The following INVS variants were observed in gnomAD, a reference collection of about 807,000 sequenced individuals.
INVS encodes inversion of embryo turning homolog.
In INVS, 86 loss-of-function variants were observed where a neutral mutation model predicts 108.8. The observed-to-expected ratio is 0.79, with a 90% CI of 0.66 to 0.95. The LOEUF (loss-of-function observed/expected upper bound fraction) is 0.95. INVS is among the 40% of genes least tolerant of loss of function. The probability of loss-of-function intolerance (pLI) is 0.00; values close to 1 mark genes in which losing one functional copy is unlikely to be tolerated. For missense variants in INVS, 1,169 were observed against 1,297.4 expected (o/e 0.90, Z 1.52); for synonymous variants, 455 against 473.5 (o/e 0.96, Z 0.51).
intron 1 of INVS, chr9:100,101,440 T>C (rs746645105): frequency 6.6e-6 from 1 of 152,050 alleles, no homozygotes; most frequent in Non-Finnish European, 1.5e-5. Flanking sequence ...AACCTTAATA[T>C]AATCCTGGAT....
chr9:100,181,565 G>A (rs1829888659), intron 3 of INVS, among the ~76,000 whole-genome samples: 1 of 152,126 alleles, frequency 6.6e-6, no homozygotes, highest in African/African-American at 2.4e-5. Flanking sequence ...CAAGTGATGT[G>A]AAAGACCTCT....
intron 3 of INVS, among the ~76,000 whole-genome samples, chr9:100,219,081 G>C (rs1315565500): frequency 6.6e-6 from 1 of 152,054 alleles, no homozygotes; most frequent in Non-Finnish European, 1.5e-5. Context: ...TTCATTCCTA[G>C]TGGGAGAGCA....
rs745573372 is a variant in INVS, at chr9:100,293,017, A to G, written c.2760A>G (p.Ala920=). The G allele has an allele frequency of 1.4e-5, 22 of 1,613,988 alleles. No homozygotes were observed. Among genetic ancestry groups the G allele is most frequent in the African/African-American group, 2.7e-5 (2 of 74,948 alleles). ...KELFRKKNKA[A]AVIQRAWRSY... Reference sequence around the variant, plus strand: ...TGTTTCGCAAAAAGAACAAGGCAGCAGCAGTCATCCAGCGCGCCTGGCGAA... The same window carrying G: ...TGTTTCGCAAAAAGAACAAGGCAGCGGCAGTCATCCAGCGCGCCTGGCGAA... The change falls in exon 14 of 17, where the codon GCA becomes GCG. Residue 920 remains alanine (A), a synonymous_variant. Transcript: ENST00000262457.
Position 100,292,738 on chromosome 9 carries a change from C to G in INVS, c.2481C>G (p.His827Gln), listed in dbSNP as rs1255227194. 6.2e-7 allele frequency: 1 copy of G among 1,614,150 alleles called. No homozygotes were observed. The highest frequency in any genetic ancestry group is 8.5e-7 in the Non-Finnish European group (1 of 1,180,024). ...EAVHAGQNPP[H>Q]HRTPRNKVTQ... ...TCCATGCTGGGCAGAATCCTCCCCA[C>G]CATCGTACACCAAGAAACAAAGTGA... The change falls in exon 14 of 17, where the codon CAC becomes CAG. Residue 827 changes from histidine (H) to glutamine (Q), a missense_variant. His to Gln is a conservative substitution (Grantham distance 24). Transcript: ENST00000262457.
Position 100,296,933 on chromosome 9 carries a change from C to T in INVS, c.2803C>T (p.His935Tyr), listed in dbSNP as rs139768159. 4,522 of 1,614,000 alleles carry T rather than the reference C, an allele frequency of 2.8e-3. 14 individuals carry two copies. Among genetic ancestry groups the T allele is most frequent in the South Asian group, 3.3e-3 (305 of 91,052 alleles). ...RAWRSYQLRK[H>Y]LSHLRHMKQL... is the part of the protein sequence containing the mutation. Reference sequence around the variant, plus strand: ...CCCAACCAGCTACCAGCTCAGGAAGCACCTGTCCCACCTTCGGCATATGAA... The same window carrying T: ...CCCAACCAGCTACCAGCTCAGGAAGTACCTGTCCCACCTTCGGCATATGAA... The change falls in exon 15 of 17, where the codon CAC (histidine) becomes TAC (tyrosine). Residue 935 changes from histidine (H) to tyrosine (Y), a missense_variant. By Grantham distance (83) the His-to-Tyr change is moderately conservative. Transcript: ENST00000262457.
chr9:100,268,952 A>C (rs969707378), intron 11 of INVS, among the ~76,000 whole-genome samples: 60 of 152,170 alleles, frequency 3.9e-4, no homozygotes, highest in Non-Finnish European at 8.8e-5. Flanking sequence ...CCTATATTTT[A>C]TAAACTAAAT....
intron 3 of INVS, chr9:100,175,907 A>T (rs1829698060): frequency 5.1e-6 from 3 of 590,078 alleles, no homozygotes; most frequent in Non-Finnish European, 9.8e-6. Context: ...GGTTCCAGCA[A>T]ATTCTTCTCT....
chr9:100,249,650 A>G (rs1000922745), intron 8 of INVS, among the ~76,000 whole-genome samples: 1 of 151,792 alleles, frequency 6.6e-6, no homozygotes, highest in South Asian at 2.1e-4. Context: ...GCCCACCACT[A>G]TGCTGGCTAA....
intron 9 of INVS, 65 bp from the exon 10 acceptor site, chr9:100,252,842 A>G: frequency 1.8e-6 from 2 of 1,093,740 alleles, no homozygotes; most frequent in Non-Finnish European, 2.8e-6. Flanking sequence ...TGTTTTTTCT[A>G]CTCCTACTCA....
intron 3 of INVS, among the ~76,000 whole-genome samples, chr9:100,146,715 T>C (rs1828629695): frequency 1.3e-5 from 2 of 152,200 alleles, no homozygotes; most frequent in Admixed American, 1.3e-4. Context: ...TGAAATTAAG[T>C]GATTTAGAAA....
intron 3 of INVS, among the ~76,000 whole-genome samples, chr9:100,219,433 C>T (rs946932526): frequency 6.6e-6 from 1 of 152,086 alleles, no homozygotes; most frequent in African/African-American, 2.4e-5. Flanking sequence ...TATAGCAAGA[C>T]CCCTTCTATT....
chr9:100,296,694 T>C (rs1217053503), intron 14 of INVS, among the ~76,000 whole-genome samples: 1 of 152,194 alleles, frequency 6.6e-6, no homozygotes, highest in Non-Finnish European at 1.5e-5. Flanking sequence ...TGTGAGCTCC[T>C]TGAAGGCAAG....
chr9:100,175,837 T>C, intron 3 of INVS: 3 of 665,536 alleles, frequency 4.5e-6, no homozygotes, highest in South Asian at 4.1e-5. Context: ...CCTGGAACAA[T>C]CAGGCCTGGA....
intron 3 of INVS, among the ~76,000 whole-genome samples, chr9:100,225,666 A>G (rs975046722): frequency 2.0e-5 from 3 of 152,238 alleles, no homozygotes; most frequent in African/African-American, 7.2e-5. Context: ...TCTTTGACCC[A>G]ACAATTTGGT....
At chr9:100,099,641 C>G (rs1379943459) in intron 1 of INVS, among the ~76,000 whole-genome samples, 1 of 152,208 alleles carries the variant, frequency 6.6e-6, no homozygotes, top group Non-Finnish European at 1.5e-5. Context: ...CCCTGATTGT[C>G]TCTGAGGGCT....
chr9:100,250,351 T>C (rs983381456), intron 8 of INVS, among the ~76,000 whole-genome samples: 8 of 152,134 alleles, frequency 5.3e-5, no homozygotes, highest in African/African-American at 1.9e-4. Context: ...CTTCTGATTG[T>C]TTTGAAAAAA....
chr9:100,144,038 G>T (rs1828521619), intron 3 of INVS, among the ~76,000 whole-genome samples: 1 of 152,112 alleles, frequency 6.6e-6, no homozygotes, highest in South Asian at 2.1e-4. Flanking sequence ...GGGAGTGGCT[G>T]CCAGGTGAGT....
chr9:100,273,559 G>A (rs10989045), intron 12 of INVS, among the ~76,000 whole-genome samples: 1 of 105,206 alleles, frequency 9.5e-6, no homozygotes, highest in African/African-American at 3.9e-5. Context: ...TTTTTTCTGA[G>A]ATGGAGTCTC....
intron 2 of INVS, among the ~76,000 whole-genome samples, chr9:100,105,235 A>G (rs747782802): frequency 5.3e-5 from 8 of 152,208 alleles, no homozygotes; most frequent in Non-Finnish European, 1.0e-4. Context: ...TGTAGTCTTT[A>G]TTCACACCAG....
Sources: allele counts gnomAD v4.1 joint callset (sites outside exome capture counted in the v4.1 genomes callset), GRCh38; gene constraint gnomAD v4.1.1; transcripts MANE v1.5; gene names NCBI Gene and HGNC (gene_info 2026-07-23, HGNC 2026-07-21).